The following IQCE variants were observed in gnomAD, a reference collection of about 807,000 sequenced individuals.
The protein encoded by IQCE is IQ domain-containing protein E.
Under a neutral mutation model 96.0 loss-of-function variants are expected in IQCE, and 115 were observed. The observed-to-expected ratio is 1.20, with a 90% CI of 1.03 to 1.40. The LOEUF (loss-of-function observed/expected upper bound fraction) is 1.40, where lower values mean the gene tolerates loss of function less well. Among genes scored for constraint, IQCE ranks in the 40% most tolerant of loss-of-function variants. The probability of loss-of-function intolerance (pLI) is 0.00; values close to 1 mark genes in which losing one functional copy is unlikely to be tolerated. For missense variants in IQCE, 1,041 were observed against 909.1 expected (o/e 1.15, Z -1.87); for synonymous variants, 412 against 371.2 (o/e 1.11, Z -1.26).
intron 17 of IQCE, 44 bp downstream of exon 17, chr7:2,598,676 C>G (rs775728680): frequency 7.0e-6 from 10 of 1,434,850 alleles, no homozygotes; most frequent in Non-Finnish European, 8.2e-6. Flanking sequence ...TGTGAGTCTT[C>G]GTGCTCCAAG....
chr7:2,578,299 G>C lies in IQCE; in HGVS notation c.523G>C (p.Glu175Gln). Residue 175 changes from glutamate (E) to glutamine (Q), a missense_variant, in exon 7 of 22, where the codon GAG (glutamate) becomes CAG (glutamine). Glu to Gln is a conservative substitution (Grantham distance 29, BLOSUM62 2). Coordinates refer to ENST00000402050, the MANE Select transcript of IQCE (RefSeq NM_152558.5). ...GATGAGAACGAAGCTCCGGCGCCTGGAGGAGGAAAACAGCAGGAAGGACCG... is the reference window on the plus strand; with the variant it reads ...GATGAGAACGAAGCTCCGGCGCCTGCAGGAGGAAAACAGCAGGAAGGACCG... ...DLMRTKLRRL[E>Q]EENSRKDRQI... The C allele has an allele frequency of 1.2e-6, 2 of 1,614,070 alleles. No homozygotes were observed. The highest frequency in any genetic ancestry group is 2.2e-5 in the South Asian group (2 of 91,086).
At chr7:2,568,691 C>T (rs1475762293) in intron 2 of IQCE, among the ~76,000 whole-genome samples, 3 of 152,150 alleles carry the variant, frequency 2.0e-5, no homozygotes, top group South Asian at 2.1e-4. Context: ...TCAGTCTGAA[C>T]GTCAGGAGCC....
chr7:2,609,934 G>A, intron 21 of IQCE, 110 bp from the exon 22 acceptor site: 1 of 677,160 alleles, frequency 1.5e-6, no homozygotes, highest in Non-Finnish European at 2.6e-6. Flanking sequence ...GCTTCTCGGG[G>A]TGGCTGCCGT....
At chr7:2,585,048 A>ATTT (rs34559707) in intron 11 of IQCE, among the ~76,000 whole-genome samples, 1,754 of 140,500 alleles carry the variant, frequency 0.012, 46 homozygotes, top group African/African-American at 0.041. Context: ...TGCTCATAAC[A>ATTT]TTTTTTTTTT....
chr7:2,574,062 A>G (rs901886619), intron 6 of IQCE, among the ~76,000 whole-genome samples: 2 of 152,184 alleles, frequency 1.3e-5, no homozygotes, highest in African/African-American at 2.4e-5. Context: ...GGCCCCTCCC[A>G]TTTATGAAAG....
intron 20 of IQCE, 87 bp downstream of exon 20, chr7:2,606,084 A>G: frequency 7.0e-7 from 1 of 1,430,542 alleles, no homozygotes; most frequent in Non-Finnish European, 9.2e-7. Flanking sequence ...GGTGCAGGGC[A>G]TGTGGCGGAA....
chr7:2,597,017 T>C (rs1409708455), intron 16 of IQCE: 1 of 471,276 alleles, frequency 2.1e-6, no homozygotes, highest in Non-Finnish European at 4.4e-6. Context: ...CCCAGGTCCC[T>C]AGAAACAGGA....
rs372690602 is a variant in IQCE, at chr7:2,583,739, G to A, written c.774+30G>A. On this transcript the variant is annotated intron_variant, in intron 10 of 21. Transcript: ENST00000402050. ...GCCGTGCTGGGCGGCGGAGCGGAGG[G>A]CGGGCACCGAGCTGGGCGGCGGGGC... is the stretch of plus-strand genomic sequence containing the variant. 26 of 1,218,844 alleles carry A rather than the reference G, an allele frequency of 2.1e-5. 1 individual carries two copies. Among genetic ancestry groups the A allele is most frequent in the Non-Finnish European group, 2.5e-5 (23 of 919,016 alleles). The allele number at this position is 1,218,844 out of a possible 1,614,324, so 75.5% of individuals were successfully genotyped here.
In IQCE at chr7:2,567,156, T is replaced by C. The variant is rs565466799; in HGVS notation, c.77T>C (p.Val26Ala). 4 of 1,613,674 alleles carry C rather than the reference T, an allele frequency of 2.5e-6. No homozygotes were observed. The highest frequency in any genetic ancestry group is 2.5e-6 in the Non-Finnish European group (3 of 1,179,792). ...SLSAVTFDSDVETKAKRKAFH... is the reference protein window; with the variant it reads ...SLSAVTFDSDAETKAKRKAFH... ...TCTGCAGTCACCTTTGACTCTGATGTGGAGACGGTGAGTGCCGCTGGGTGT... is the reference window on the plus strand; with the variant it reads ...TCTGCAGTCACCTTTGACTCTGATGCGGAGACGGTGAGTGCCGCTGGGTGT... The change falls in exon 2 of 22, where the codon GTG (valine) becomes GCG (alanine). Residue 26 changes from valine (V) to alanine (A), a missense_variant. Transcript: ENST00000402050.
chr7:2,587,943 A>C (rs1783253700), intron 13 of IQCE, 66 bp downstream of exon 13: 13 of 1,468,520 alleles, frequency 8.9e-6, no homozygotes, highest in South Asian at 1.1e-5. Flanking sequence ...GGACGGGCTC[A>C]CAGGGTGCGG....
At chr7:2,598,122 A>G (rs1784183445) in intron 16 of IQCE, 2 of 227,186 alleles carry the variant, frequency 8.8e-6, no homozygotes, top group African/African-American at 2.3e-5. Flanking sequence ...AAAACAGACA[A>G]TTCTTGCAGG....
chr7:2,592,182 A>C (rs529471579), intron 14 of IQCE, among the ~76,000 whole-genome samples: 107 of 152,202 alleles, frequency 7.0e-4, no homozygotes, highest in Non-Finnish European at 1.1e-3. Flanking sequence ...GAACAGTAGA[A>C]GGCCAACCCG....
At chr7:2,602,905 C>A (rs1784531320) in intron 18 of IQCE, among the ~76,000 whole-genome samples, 1 of 152,232 alleles carries the variant, frequency 6.6e-6, no homozygotes, top group Non-Finnish European at 1.5e-5. Context: ...CAGGCCACAG[C>A]CACACGAGCG....
intron 1 of IQCE, among the ~76,000 whole-genome samples, chr7:2,565,960 A>C (rs1284278299): frequency 6.6e-6 from 1 of 152,204 alleles, no homozygotes; most frequent in Non-Finnish European, 1.5e-5. Context: ...AGGCATTTCT[A>C]ATACAGTTTC....
At chr7:2,570,019 C>G (rs1781648217) in intron 3 of IQCE, among the ~76,000 whole-genome samples, 1 of 152,088 alleles carries the variant, frequency 6.6e-6, no homozygotes, top group Admixed American at 6.5e-5. Context: ...ACACTCGGGA[C>G]CTGTTTTTCT....
At position 2,594,898 on chromosome 7, in the gene IQCE, G is replaced by C. The variant is rs1193998661; in HGVS notation, c.1362G>C (p.Gln454His). 6.2e-7 allele frequency: 1 copy of C among 1,613,084 alleles called. No individual in the cohort carries two copies. Among genetic ancestry groups the C allele is most frequent in the East Asian group, 2.2e-5 (1 of 44,892 alleles). Residue 454 changes from glutamine (Q) to histidine (H), a missense_variant, in exon 16 of 22, where the codon CAG becomes CAC. Physicochemically the swap from Gln to His is conservative, Grantham distance 24. Coordinates refer to ENST00000402050, the MANE Select transcript of IQCE (RefSeq NM_152558.5). ...CTTTCCGCCTTAGAGAGGAGATTCA[G>C]ACACTTACCAGCAAGCTCCAAGAAT... ...EREEVLREEIQTLTSKLQELQ... is the reference protein window; with the variant it reads ...EREEVLREEIHTLTSKLQELQ...
At chr7:2,570,822 T>G (rs972576604) in intron 3 of IQCE, among the ~76,000 whole-genome samples, 3 of 152,174 alleles carry the variant, frequency 2.0e-5, no homozygotes, top group Non-Finnish European at 4.4e-5. Context: ...TTTTAGATAT[T>G]TTACATATTA....
At chr7:2,595,033 C>T (rs1354940836) in intron 16 of IQCE, 57 bp downstream of exon 16, 7 of 1,207,816 alleles carry the variant, frequency 5.8e-6, no homozygotes, top group East Asian at 4.7e-5. Flanking sequence ...TTGGTCGTGA[C>T]GGTTCTGACC....
chr7:2,574,012 G>A (rs1781947187), intron 6 of IQCE, among the ~76,000 whole-genome samples: 1 of 152,086 alleles, frequency 6.6e-6, no homozygotes, highest in African/African-American at 2.4e-5. Flanking sequence ...AAGATTCAAG[G>A]TCACCTGCCT....
Sources: allele counts gnomAD v4.1 joint callset (sites outside exome capture counted in the v4.1 genomes callset), GRCh38; gene constraint gnomAD v4.1.1; transcripts MANE v1.5; gene names NCBI Gene and HGNC (gene_info 2026-07-23, HGNC 2026-07-21).